Variants in TMEM275 observed in about 807,000 individuals in gnomAD.
TMEM275 encodes transmembrane protein 275.
In TMEM275 at chr1:46,533,046, A is replaced by G; in HGVS notation, c.482T>C (p.Leu161Pro). Residue 161 changes from leucine (L) to proline (P), a missense_variant, in exon 2 of 2, where the codon CTG becomes CCG. Leu to Pro is a moderately conservative substitution (Grantham distance 98). Transcript: ENST00000634804. The surrounding 1 kb of genome is among the most constrained non-coding windows in gnomAD (Gnocchi z 4.4). ...GTTGAGCTGGACTCCTTCCGAGCGC[A>G]GCGCGCAGACGGCCGCGGGCGCCGG... The G allele has an allele frequency of 2.5e-6, 1 of 396,040 alleles. No homozygotes were observed. Among genetic ancestry groups the G allele is most frequent in the Non-Finnish European group, 4.5e-6 (1 of 224,400 alleles). The allele number at this position is 396,040 out of a possible 1,614,324, so 24.5% of individuals were successfully genotyped here. A position where few individuals can be genotyped will look rare whatever the true frequency, so the allele number is the denominator to read the frequency against.
rs1666704430 is a variant in TMEM275, at chr1:46,533,827, AC to A, written c.-123-178del. 6.6e-6 allele frequency among the ~76,000 whole-genome samples: 1 copy of A among 152,056 alleles called. No individual in the cohort carries two copies. The highest frequency in any genetic ancestry group is 1.5e-5 in the Non-Finnish European group (1 of 67,996). ...ATGTGAAGAATCGACTTGTTTCCCC[AC>A]CTAGTTCCGGGGGTCCCTCGTGGCC... On this transcript the variant is annotated intron_variant, in intron 1 of 1. Coordinates refer to ENST00000634804, the Ensembl canonical transcript of TMEM275. The surrounding 1 kb of genome is among the most constrained non-coding windows in gnomAD (Gnocchi z 4.4).
intron 1 of TMEM275, among the ~76,000 whole-genome samples, 174 bp downstream of exon 1, chr1:46,534,937 A>G (rs1666718623): frequency 6.6e-6 from 1 of 152,214 alleles, no homozygotes; most frequent in African/African-American, 2.4e-5. Flanking sequence ...TACAGTGATA[A>G]TTAAATACTT....
rs1296864259 is a variant in TMEM275, at chr1:46,533,820, T to A, written c.-123-170A>T. ...ATCCCATATGTGAAGAATCGACTTG[T>A]TTCCCCACCTAGTTCCGGGGGTCCC... On this transcript the variant is annotated intron_variant, in intron 1 of 1. Coordinates refer to ENST00000634804, the Ensembl canonical transcript of TMEM275. This position sits in a 1 kb window ranked among gnomAD's most constrained non-coding sequence, Gnocchi z 4.4. Among the ~76,000 whole-genome samples the A allele has an allele frequency of 6.6e-6, 1 of 152,178 alleles. No homozygotes were observed. The highest frequency in any genetic ancestry group is 1.5e-5 in the Non-Finnish European group (1 of 68,034).
In TMEM275 at chr1:46,534,062, T is replaced by G. The variant is rs547516204; in HGVS notation, c.-123-412A>C. On this transcript the variant is annotated intron_variant, in intron 1 of 1. Coordinates refer to ENST00000634804, the Ensembl canonical transcript of TMEM275. ...CCTAACTAGTAAGGCAAATGGCAGCTCTTGGGATTTAGGCAACTCACTCTC... is the reference window on the plus strand; with the variant it reads ...CCTAACTAGTAAGGCAAATGGCAGCGCTTGGGATTTAGGCAACTCACTCTC... Among the ~76,000 whole-genome samples, 3 of 152,264 alleles carry G rather than the reference T, an allele frequency of 2.0e-5. No homozygotes were observed. The South Asian group carries it at 6.2e-4, about 32-fold the overall frequency.
Position 46,533,979 on chromosome 1 carries a change from GCA to G in TMEM275, c.-123-331_-123-330del, listed in dbSNP as rs1015021227. Among the ~76,000 whole-genome samples, 2 of 152,186 alleles carry G rather than the reference GCA, an allele frequency of 1.3e-5. No individual in the cohort carries two copies. Among genetic ancestry groups the G allele is most frequent in the African/African-American group, 2.4e-5 (1 of 41,416 alleles). On this transcript the variant is annotated intron_variant, in intron 1 of 1. Coordinates refer to ENST00000634804, the Ensembl canonical transcript of TMEM275. This position sits in a 1 kb window ranked among gnomAD's most constrained non-coding sequence, Gnocchi z 4.4. ...TGAGATAGTGGCTGGAAAGTGCTCA[GCA>G]CAGTGTCCAGTTCAGCTTAGGTGCT...
At position 46,533,189 on chromosome 1, in the gene TMEM275, C is replaced by T; in HGVS notation, c.339G>A (p.Glu113=). The T allele has an allele frequency of 2.6e-6, 1 of 377,968 alleles. No individual in the cohort carries two copies. The highest frequency in any genetic ancestry group is 4.7e-6 in the Non-Finnish European group (1 of 213,120). 23.4% of individuals were successfully genotyped at this position (377,968 alleles called of 1,614,324 possible). The stretch of plus-strand genomic sequence containing the variant: ...GTGCCGTGGGCTCGCTGCTCTCCAT[C>T]TCCAGCGCCACGGGCCCGGCGCGGC... The change falls in exon 2 of 2, where the codon GAG becomes GAA. Residue 113 remains glutamate, a synonymous_variant. Transcript: ENST00000634804. This position sits in a 1 kb window ranked among gnomAD's most constrained non-coding sequence, Gnocchi z 4.4.
rs532740862 is a variant in TMEM275 at position 46,534,864 on chromosome 1, A to T, written c.-123-1214T>A. Among the ~76,000 whole-genome samples, 11 of 152,038 alleles carry T rather than the reference A, an allele frequency of 7.2e-5. No homozygotes were observed. In the East Asian group the frequency reaches 9.7e-4, roughly 13 times the overall value. ...GAGTGTGACCTTCACAGGGGGCCTG[A>T]CTCTCCTGCTTCCATCTTCTCTTCT... On this transcript the variant is annotated intron_variant, in intron 1 of 1. Transcript: ENST00000634804.
At chr1:46,534,429 G>A (rs1364474284) in intron 1 of TMEM275, among the ~76,000 whole-genome samples, 26 bp downstream of exon 2, 1 of 152,030 alleles carries the variant, frequency 6.6e-6, no homozygotes, top group Non-Finnish European at 1.5e-5. Context: ...TTCTAGACTG[G>A]GCATTCTATT....
Position 46,533,567 on chromosome 1 carries a change from C to T in TMEM275, c.-40G>A, listed in dbSNP as rs114746843. ...CAGGCACGCATCAAGCTCCCTCCTG[C>T]CGCCGGCCCGGAACAGCCCAACTGC... On this transcript the variant is annotated 5_prime_UTR_variant, in exon 2 of 2. Transcript: ENST00000634804. This position sits in a 1 kb window ranked among gnomAD's most constrained non-coding sequence, Gnocchi z 4.4. The T allele has an allele frequency of 5.2e-6, 2 of 386,008 alleles. No homozygotes were observed. The highest frequency in any genetic ancestry group is 9.2e-6 in the Non-Finnish European group (2 of 218,112). The allele number at this position is 386,008 out of a possible 1,614,324, so 23.9% of individuals were successfully genotyped here.
chr1:46,533,553 C>T lies in TMEM275; in HGVS notation c.-26G>A, dbSNP rs1231403136. ...CGGCCTGCGCACGCCAGGCACGCAT[C>T]AAGCTCCCTCCTGCCGCCGGCCCGG... On this transcript the variant is annotated 5_prime_UTR_variant, in exon 2 of 2. Coordinates refer to ENST00000634804, the Ensembl canonical transcript of TMEM275. This position sits in a 1 kb window ranked among gnomAD's most constrained non-coding sequence, Gnocchi z 4.4. 1 of 388,068 alleles carries T rather than the reference C, an allele frequency of 2.6e-6. No homozygotes were observed. The highest frequency in any genetic ancestry group is 4.6e-6 in the Non-Finnish European group (1 of 219,200). 24.0% of individuals were successfully genotyped at this position (388,068 alleles called of 1,614,324 possible).
At chr1:46,534,913 C>T (rs1033447610) in intron 1 of TMEM275, among the ~76,000 whole-genome samples, 198 bp downstream of exon 1, 36 of 152,126 alleles carry the variant, frequency 2.4e-4, no homozygotes, top group Non-Finnish European at 1.0e-4. Context: ...AATCATAGAA[C>T]CCACCTCATA....
Position 46,533,011 on chromosome 1 carries a change from C to A in TMEM275, c.517G>T (p.Ala173Ser). Reference sequence around the variant, plus strand: ...CTGGTCCGCTAGGGGGCGGCGCGCGCCCGGGGTGGGTTGAGCTGGACTCCT... The same window carrying A: ...CTGGTCCGCTAGGGGGCGGCGCGCGACCGGGGTGGGTTGAGCTGGACTCCT... Residue 173 changes from alanine to serine, a missense_variant, in exon 2 of 2, where the codon GCG becomes TCG. Physicochemically the swap from Ala to Ser is moderately conservative, Grantham distance 99 (BLOSUM62 1). Coordinates refer to ENST00000634804, the Ensembl canonical transcript of TMEM275. This position sits in a 1 kb window ranked among gnomAD's most constrained non-coding sequence, Gnocchi z 4.4. 2 of 396,412 alleles carry A rather than the reference C, an allele frequency of 5.0e-6. No individual in the cohort carries two copies. Among genetic ancestry groups the A allele is most frequent in the Middle Eastern group, 6.4e-4 (1 of 1,574 alleles). The allele number at this position is 396,412 out of a possible 1,614,324, so 24.6% of individuals were successfully genotyped here.
rs1245580556 is a variant in TMEM275, at chr1:46,533,785, G to A, written c.-123-135C>T. Reference sequence around the variant, plus strand: ...AGCCCCCTGCCTCTGCCTCTGGGAAGCAACAAACCATCCCATATGTGAAGA... The same window carrying A: ...AGCCCCCTGCCTCTGCCTCTGGGAAACAACAAACCATCCCATATGTGAAGA... On this transcript the variant is annotated intron_variant, in intron 1 of 1. Transcript: ENST00000634804. The surrounding 1 kb of genome is among the most constrained non-coding windows in gnomAD (Gnocchi z 4.4). Among the ~76,000 whole-genome samples, 2 of 152,198 alleles carry A rather than the reference G, an allele frequency of 1.3e-5. No homozygotes were observed. The highest frequency in any genetic ancestry group is 4.8e-5 in the African/African-American group (2 of 41,452).
chr1:46,533,565 T>TAA lies in TMEM275; in HGVS notation c.-39_-38insTT, dbSNP rs1158105910. 2 of 386,944 alleles carry TAA rather than the reference T, an allele frequency of 5.2e-6. No individual in the cohort carries two copies. Among genetic ancestry groups the TAA allele is most frequent in the African/African-American group, 2.1e-5 (1 of 48,022 alleles). The allele number at this position is 386,944 out of a possible 1,614,324, so 24.0% of individuals were successfully genotyped here. A position where few individuals can be genotyped will look rare whatever the true frequency, so the allele number is the denominator to read the frequency against. ...GCCAGGCACGCATCAAGCTCCCTCCTGCCGCCGGCCCGGAACAGCCCAACT... is the reference window on the plus strand; with the variant it reads ...GCCAGGCACGCATCAAGCTCCCTCCTAAGCCGCCGGCCCGGAACAGCCCAACT... On this transcript the variant is annotated 5_prime_UTR_variant, in exon 2 of 2. Coordinates refer to ENST00000634804, the Ensembl canonical transcript of TMEM275. The surrounding 1 kb of genome is among the most constrained non-coding windows in gnomAD (Gnocchi z 4.4).
chr1:46,533,556 G>A lies in TMEM275; in HGVS notation c.-29C>T. ...CCTGCGCACGCCAGGCACGCATCAA[G>A]CTCCCTCCTGCCGCCGGCCCGGAAC... On this transcript the variant is annotated 5_prime_UTR_variant, in exon 2 of 2. Transcript: ENST00000634804. The surrounding 1 kb of genome is among the most constrained non-coding windows in gnomAD (Gnocchi z 4.4). 2.6e-6 allele frequency: 1 copy of A among 387,770 alleles called. No individual in the cohort carries two copies. The highest frequency in any genetic ancestry group is 4.6e-6 in the Non-Finnish European group (1 of 219,020). The allele number at this position is 387,770 out of a possible 1,614,324, so 24.0% of individuals were successfully genotyped here.
chr1:46,533,082 G>C lies in TMEM275; in HGVS notation c.446C>G (p.Ala149Gly), dbSNP rs1484159298. ...GGCCGCGGGCGCCGGGGCCTCCAGG[G>C]CGAGGGGGCTGGGGCCGGGGCTGGA... is the stretch of plus-strand genomic sequence containing the variant. The change falls in exon 2 of 2, where the codon GCC (alanine) becomes GGC (glycine). Residue 149 changes from alanine (A) to glycine (G), a missense_variant. Coordinates refer to ENST00000634804, the Ensembl canonical transcript of TMEM275. The surrounding 1 kb of genome is among the most constrained non-coding windows in gnomAD (Gnocchi z 4.4). The C allele has an allele frequency of 1.3e-5, 5 of 393,140 alleles. No individual in the cohort carries two copies. The highest frequency in any genetic ancestry group is 2.2e-5 in the Non-Finnish European group (5 of 223,020). 24.4% of individuals were successfully genotyped at this position (393,140 alleles called of 1,614,324 possible).
At position 46,534,983 on chromosome 1, in the gene TMEM275, A is replaced by G. The variant is rs1046526770; in HGVS notation, c.-123-1333T>C. Among the ~76,000 whole-genome samples the G allele has an allele frequency of 1.6e-3, 248 of 152,342 alleles. 2 individuals carry two copies. Among genetic ancestry groups the G allele is most frequent in the East Asian group, 5.8e-4 (3 of 5,186 alleles). ...AAAGCGCTTAGAACAGTGAGTATTT[A>G]ATAAATGTTAACCATGCCCTTGTGG... On this transcript the variant is annotated intron_variant, in intron 1 of 1. Coordinates refer to ENST00000634804, the Ensembl canonical transcript of TMEM275.
At chr1:46,534,859 G>A (rs1666717625) in intron 1 of TMEM275, among the ~76,000 whole-genome samples, 1 of 152,094 alleles carries the variant, frequency 6.6e-6, no homozygotes, top group African/African-American at 2.4e-5. Context: ...TTCACAGGGG[G>A]CCTGACTCTC....
Position 46,533,726 on chromosome 1 carries a change from C to T in TMEM275, c.-123-76G>A, listed in dbSNP as rs555415519. ...GTCCTAGGCTCCGTCTGTAGCTACA[C>T]TGAGTGCCTGGGTGGGCAGAGGTCA... is the stretch of plus-strand genomic sequence containing the variant. On this transcript the variant is annotated intron_variant, in intron 1 of 1. Transcript: ENST00000634804. This position sits in a 1 kb window ranked among gnomAD's most constrained non-coding sequence, Gnocchi z 4.4. The T allele has an allele frequency of 5.5e-6, 2 of 363,462 alleles. No individual in the cohort carries two copies. The highest frequency in any genetic ancestry group is 3.0e-4 in the South Asian group (2 of 6,754). The allele number at this position is 363,462 out of a possible 1,614,324, so 22.5% of individuals were successfully genotyped here.
Sources: gnomAD v4.1 joint callset for allele counts (sites outside exome capture counted in the v4.1 genomes callset) on GRCh38, gnomAD v4.1.1 for gene constraint, Gnocchi (gnomAD v3.1) non-coding constraint, MANE v1.5 for transcripts, NCBI Gene and HGNC (gene_info 2026-07-23, HGNC 2026-07-21) for gene names.